Variants in INPP4B observed in about 807,000 individuals in gnomAD.
INPP4B encodes the protein inositol polyphosphate 4-phosphatase type II.
Under a neutral mutation model 122.5 loss-of-function variants are expected in INPP4B, and 55 were observed. The ratio of observed to expected loss-of-function variants is 0.45; its 90% CI spans 0.36 to 0.56. The LOEUF is 0.56. INPP4B is among the 20% of genes least tolerant of loss of function. The probability of loss-of-function intolerance (pLI) is 0.00; values close to 1 mark genes in which losing one functional copy is unlikely to be tolerated. For missense variants in INPP4B, 1,000 were observed against 1,097.7 expected, an observed-to-expected ratio of 0.91 and a Z score of 1.26; for synonymous variants, 403 against 388.7, an observed-to-expected ratio of 1.04 and a Z score of -0.43.
At chr4:142,567,644 C>T (rs1255151177) in intron 2 of INPP4B, among the ~76,000 whole-genome samples, 2 of 151,898 alleles carry the variant, frequency 1.3e-5, no homozygotes, top group African/African-American at 4.8e-5. Flanking sequence ...TTTCTGATAC[C>T]TGTAATAACA....
chr4:142,498,667 T>C (rs1193451634), intron 2 of INPP4B, among the ~76,000 whole-genome samples: 1 of 151,976 alleles, frequency 6.6e-6, no homozygotes, highest in East Asian at 1.9e-4. Flanking sequence ...GGCATCTGCC[T>C]GTAGTAGCAC....
intron 2 of INPP4B, among the ~76,000 whole-genome samples, chr4:142,678,840 G>GT (rs909037831): frequency 1.5e-4 from 23 of 150,282 alleles, no homozygotes; most frequent in South Asian, 8.4e-4. Flanking sequence ...TTGTTGTGGT[G>GT]TTTTTTTTTC....
At chr4:142,725,738 G>T (rs1010673699) in intron 2 of INPP4B, 101 bp downstream of exon 2, 1 of 392,550 alleles carries the variant, frequency 2.5e-6, no homozygotes, top group African/African-American at 2.1e-5. Context: ...TTACTTTTTT[G>T]ATGGGTAATT....
chr4:142,267,340 G>A (rs191775078), intron 10 of INPP4B, among the ~76,000 whole-genome samples: 6 of 152,212 alleles, frequency 3.9e-5, no homozygotes, highest in Admixed American at 3.3e-4. Context: ...TAATCAAAGT[G>A]GCATGTTACT....
rs2152528557 is a variant in INPP4B, at chr4:142,082,127, G to A, written c.2546C>T (p.Thr849Ile). The change falls in exon 25 of 26, where the codon ACA (threonine) becomes ATA (isoleucine). Residue 849 changes from threonine (T) to isoleucine (I), a missense_variant. Thr to Ile is a moderately conservative substitution (Grantham distance 89, BLOSUM62 -1). Coordinates refer to ENST00000262992, the MANE Select transcript of INPP4B (RefSeq NM_001101669.3). ...TTGTTCAAGTGTCACTGACATCGAT[G>A]TCCTGTCTTTGGCACTTTTACAACA... ...FTCCKSAKDR[T>I]SMSVTLEQCS... is the part of the protein sequence containing the mutation. 3 of 1,542,194 alleles carry A rather than the reference G, an allele frequency of 1.9e-6. No individual in the cohort carries two copies. The highest frequency in any genetic ancestry group is 2.7e-6 in the Non-Finnish European group (3 of 1,127,294).
At chr4:142,794,181 A>G (rs1776921701) in intron 1 of INPP4B, among the ~76,000 whole-genome samples, 1 of 152,080 alleles carries the variant, frequency 6.6e-6, no homozygotes, top group South Asian at 2.1e-4. Context: ...TCAAGACATT[A>G]CTAAAGAAAA....
chr4:142,552,466 T>C (rs1728207333), intron 2 of INPP4B, among the ~76,000 whole-genome samples: 1 of 151,818 alleles, frequency 6.6e-6, no homozygotes, highest in Non-Finnish European at 1.5e-5. Context: ...AGTTACTTAC[T>C]GGGACCCTGC....
chr4:142,520,453 A>G (rs1217144315), intron 2 of INPP4B, among the ~76,000 whole-genome samples: 1 of 151,960 alleles, frequency 6.6e-6, no homozygotes, highest in Non-Finnish European at 1.5e-5. Flanking sequence ...TCTGACATTA[A>G]CTTGGCTAAG....
chr4:142,634,897 G>A (rs1422606385), intron 2 of INPP4B, among the ~76,000 whole-genome samples: 4 of 152,012 alleles, frequency 2.6e-5, no homozygotes, highest in African/African-American at 4.8e-5. Context: ...ATATGGTTGT[G>A]TACTTAACAA....
chr4:142,415,875 C>T (rs1183032755), intron 5 of INPP4B, among the ~76,000 whole-genome samples: 1 of 151,910 alleles, frequency 6.6e-6, no homozygotes, highest in Non-Finnish European at 1.5e-5. Flanking sequence ...AAGCTGGAAA[C>T]CATCATTCTC....
intron 25 of INPP4B, chr4:142,029,611 A>G (rs1738555092): frequency 1.9e-5 from 19 of 985,100 alleles, no homozygotes; most frequent in Non-Finnish European, 2.0e-5. Flanking sequence ...ATAAATAGCC[A>G]TTCTCTCCAT....
intron 25 of INPP4B, chr4:142,029,964 G>A (rs1008542844): frequency 1.5e-6 from 2 of 1,374,646 alleles, no homozygotes; most frequent in Non-Finnish European, 1.9e-6. Flanking sequence ...TCCACCTAAT[G>A]CATAGTACTT....
At chr4:142,448,329 CAAAAA>C (rs71586289) in intron 3 of INPP4B, among the ~76,000 whole-genome samples, 1 of 61,988 alleles carries the variant, frequency 1.6e-5, no homozygotes, top group Non-Finnish European at 2.9e-5. Flanking sequence ...TATCCATCTC[CAAAAA>C]AAAAAAAAAA....
At chr4:142,283,910 C>A (rs1349674675) in intron 9 of INPP4B, among the ~76,000 whole-genome samples, 1 of 151,970 alleles carries the variant, frequency 6.6e-6, no homozygotes, top group African/African-American at 2.4e-5. Flanking sequence ...TGAGGAGCAA[C>A]CAGCAAAAGA....
chr4:142,503,627 C>A (rs995562377), intron 2 of INPP4B, among the ~76,000 whole-genome samples: 2 of 152,012 alleles, frequency 1.3e-5, no homozygotes, highest in Non-Finnish European at 2.9e-5. Context: ...AGAGTTCCAA[C>A]AGGACTTAAA....
Position 142,112,630 on chromosome 4 carries a change from G to T in INPP4B, c.2188C>A (p.Pro730Thr), listed in dbSNP as rs768341342. ...KLPARMFESL[P>T]LQIKEGQLLH... ...AACTGTCCTTCTTTAATCTGTAGAGGTAGTGACTCAAACATTCTGGCTGGA... is the reference window on the plus strand; with the variant it reads ...AACTGTCCTTCTTTAATCTGTAGAGTTAGTGACTCAAACATTCTGGCTGGA... The change falls in exon 22 of 26, where the codon CCT (proline) becomes ACT (threonine). Residue 730 changes from proline (P) to threonine (T), a missense_variant. Transcript: ENST00000262992. 1 of 1,612,952 alleles carries T rather than the reference G, an allele frequency of 6.2e-7. No homozygotes were observed. Among genetic ancestry groups the T allele is most frequent in the Non-Finnish European group, 8.5e-7 (1 of 1,179,314 alleles).
At chr4:142,377,628 A>G (rs1792458332) in intron 7 of INPP4B, among the ~76,000 whole-genome samples, 1 of 152,134 alleles carries the variant, frequency 6.6e-6, no homozygotes, top group African/African-American at 2.4e-5. Flanking sequence ...AATGAGAATC[A>G]GGTATCAAAA....
At chr4:142,516,757 C>A (rs111958329) in intron 2 of INPP4B, among the ~76,000 whole-genome samples, 1 of 151,794 alleles carries the variant, frequency 6.6e-6, no homozygotes, top group Non-Finnish European at 1.5e-5. Flanking sequence ...CATTCATTTT[C>A]CTGTTTTGTT....
chr4:142,641,604 C>A lies in INPP4B; in HGVS notation c.-191+84235G>T, dbSNP rs932856791. On this transcript the variant is annotated intron_variant, in intron 2 of 25. Transcript: ENST00000262992. ...TCCCTACAAAGGACATGAACTCATCCTTTTTTATGGCTGCATAGTATACCA... is the reference window on the plus strand; with the variant it reads ...TCCCTACAAAGGACATGAACTCATCATTTTTTATGGCTGCATAGTATACCA... Among the ~76,000 whole-genome samples, 19 of 152,146 alleles carry A rather than the reference C, an allele frequency of 1.2e-4. 1 individual carries two copies. The East Asian group carries it at 1.4e-3, about 11-fold the overall frequency.
Sources: gnomAD v4.1 joint callset for allele counts (sites outside exome capture counted in the v4.1 genomes callset) on GRCh38, gnomAD v4.1.1 for gene constraint, MANE v1.5 for transcripts, NCBI Gene and HGNC (gene_info 2026-07-23, HGNC 2026-07-21) for gene names.